SFTPB: variants seen among roughly 807,000 people sequenced by gnomAD.
SFTPB encodes the protein pulmonary surfactant-associated protein B.
Under a neutral mutation model 51.0 loss-of-function variants are expected in SFTPB, and 32 were observed. The observed-to-expected ratio is 0.63, with a 90% CI of 0.47 to 0.84. The LOEUF (loss-of-function observed/expected upper bound fraction) is 0.84, where lower values mean the gene tolerates loss of function less well. Ranked by LOEUF, SFTPB falls within the 40% of genes least tolerant of loss-of-function variation. The pLI, the probability that SFTPB is intolerant of heterozygous loss-of-function variation, is 0.00. For missense variants in SFTPB, 431 were observed against 491.2 expected, an observed-to-expected ratio of 0.88 and a Z score of 1.16; for synonymous variants, 211 against 208.5, an observed-to-expected ratio of 1.01 and a Z score of -0.10.
chr2:85,664,529 A>C (rs1473581960), intron 6 of SFTPB, among the ~76,000 whole-genome samples: 1 of 151,976 alleles, frequency 6.6e-6, no homozygotes, highest in Non-Finnish European at 1.5e-5. Context: ...CAGTGGCGTG[A>C]TGTCGGCTCA....
rs922172396 is a variant in SFTPB at position 85,657,877 on chromosome 2, T to C, written c.*1825A>G. 1 of 151,904 alleles carries C rather than the reference T, an allele frequency of 6.6e-6. No individual in the cohort carries two copies. Among genetic ancestry groups the C allele is most frequent in the African/African-American group, 2.4e-5 (1 of 41,334 alleles). The allele number at this position is 151,904 out of a possible 1,614,324, so 9.4% of individuals were successfully genotyped here. A position where few individuals can be genotyped will look rare whatever the true frequency, so the allele number is the denominator to read the frequency against. On this transcript the variant is annotated 3_prime_UTR_variant, in exon 11 of 11. Transcript: ENST00000519937. ...GGCGGAGAGAATATTACAAAATACCTTCTTAAGGGTGCGGGGGTGCGGGCG... is the reference window on the plus strand; with the variant it reads ...GGCGGAGAGAATATTACAAAATACCCTCTTAAGGGTGCGGGGGTGCGGGCG...
chr2:85,667,742 C>T lies in SFTPB; in HGVS notation c.132G>A (p.Glu44=), dbSNP rs377675937. 3.7e-6 allele frequency: 6 copies of T among 1,614,268 alleles called. No individual in the cohort carries two copies. Among genetic ancestry groups the T allele is most frequent in the Non-Finnish European group, 4.2e-6 (5 of 1,180,048 alleles). The change falls in exon 2 of 11, where the codon GAG becomes GAA. Residue 44 remains glutamate, a synonymous_variant. Transcript: ENST00000519937. ...QGPEFWCQSL[E]QALQCRALGH... ...CTAGGGCTCTGCACTGCAATGCTTG[C>T]TCCAGGCTTTGGCACCAGAACTCAG...
At chr2:85,662,344 G>A in intron 8 of SFTPB, 1 of 1,343,802 alleles carries the variant, frequency 7.4e-7, no homozygotes, top group Non-Finnish European at 9.7e-7. Flanking sequence ...AGGCAGAGGG[G>A]TGGAATCTCA....
chr2:85,663,424 CTGGGTGG>C lies in SFTPB; in HGVS notation c.917_923del (p.Thr306ArgfsTer40). On this transcript the variant is annotated frameshift_variant, in exon 8 of 11. Coordinates refer to ENST00000519937, the MANE Select transcript of SFTPB (RefSeq NM_000542.5). LOFTEE classifies it high-confidence loss of function. ...TGGCCTGCTCGCTGCTGTTCCCGGC[CTGGGTGG>C]TCACGGACATGCAGAGGTGGCACTC... is the stretch of plus-strand genomic sequence containing the variant. 2.5e-6 allele frequency: 4 copies of C among 1,614,070 alleles called. No homozygotes were observed. Among genetic ancestry groups the C allele is most frequent in the Non-Finnish European group, 3.4e-6 (4 of 1,180,046 alleles).
intron 4 of SFTPB, among the ~76,000 whole-genome samples, chr2:85,666,264 GTAC>G (rs1329812163): frequency 1.8e-3 from 247 of 136,888 alleles, no homozygotes; most frequent in Admixed American, 2.4e-3. Context: ...GCTGGCTGGG[GTAC>G]TGTGTGGGTA....
chr2:85,666,956 C>A (rs34965232), intron 3 of SFTPB, 150 bp downstream of exon 3: 1 of 934,208 alleles, frequency 1.1e-6, no homozygotes, highest in Non-Finnish European at 1.7e-6. Context: ...AGGGCCATGA[C>A]CTGCTCCCAG....
Position 85,668,140 on chromosome 2 carries a change from GGCAGCA to G in SFTPB, c.38_43del (p.Leu13_Leu14del), listed in dbSNP as rs147057701. 1 of 1,550,684 alleles carries G rather than the reference GGCAGCA, an allele frequency of 6.4e-7. No individual in the cohort carries two copies. Among genetic ancestry groups the G allele is most frequent in the Non-Finnish European group, 8.7e-7 (1 of 1,146,438 alleles). On this transcript the variant is annotated inframe_deletion, in exon 1 of 11. Coordinates refer to ENST00000519937, the MANE Select transcript of SFTPB (RefSeq NM_000542.5). ...ACCAGTGCCTGGGCCACAGAGCGTGGGCAGCAGCAGCAGCAGCCACTGCAGCAGGTG... is the reference window on the plus strand; with the variant it reads ...ACCAGTGCCTGGGCCACAGAGCGTGGGCAGCAGCAGCCACTGCAGCAGGTG...
intron 2 of SFTPB, among the ~76,000 whole-genome samples, 164 bp downstream of exon 2, chr2:85,667,515 C>G (rs1156816236): frequency 6.6e-6 from 1 of 152,168 alleles, no homozygotes; most frequent in Non-Finnish European, 1.5e-5. Context: ...CATCGTATCC[C>G]ATCGCATCCA....
rs777459025 is a variant in SFTPB at position 85,662,062 on chromosome 2, C to T, written c.1050G>A (p.Val350=). 5 of 1,603,530 alleles carry T rather than the reference C, an allele frequency of 3.1e-6. No homozygotes were observed. The Admixed American group carries it at 5.2e-5, about 17-fold the overall frequency. Residue 350 remains valine, a synonymous_variant, in exon 9 of 11, where the codon GTG becomes GTA. Transcript: ENST00000519937. ...EQHTPQLLTL[V]PRGWDAHTTC... ...TGGTGTGGGCATCCCAGCCCCTGGG[C>T]ACCAGGGTCAGCAGCTGGGGCGTGT...
chr2:85,663,683 C>T lies in SFTPB; in HGVS notation c.837G>A (p.Met279Ile). 3 of 1,612,512 alleles carry T rather than the reference C, an allele frequency of 1.9e-6. No homozygotes were observed. Among genetic ancestry groups the T allele is most frequent in the Non-Finnish European group, 2.5e-6 (3 of 1,179,492 alleles). The change falls in exon 7 of 11, where the codon ATG becomes ATA. Residue 279 changes from methionine (M) to isoleucine (I), a missense_variant. By Grantham distance (10) the Met-to-Ile change is conservative. Transcript: ENST00000519937. Reference protein sequence around the residue: ...LVCRLVLRCSMDDSAGPRSPT... With the variant: ...LVCRLVLRCSIDDSAGPRSPT... ...GCTCACTTGGGCCAGCGCTGTCATC[C>T]ATGGAGCACCGGAGGACGAGGCGGC... is the stretch of plus-strand genomic sequence containing the variant.
At chr2:85,667,007 C>T in intron 3 of SFTPB, 99 bp downstream of exon 3, 1 of 1,172,722 alleles carries the variant, frequency 8.5e-7, no homozygotes. Flanking sequence ...AGGCCTCCTC[C>T]TCAGCCTGGA....
chr2:85,662,464 C>T (rs931408505), intron 8 of SFTPB, among the ~76,000 whole-genome samples: 1 of 152,142 alleles, frequency 6.6e-6, no homozygotes, highest in African/African-American at 2.4e-5. Flanking sequence ...TTGGGAGTTG[C>T]TGAGCAGGGA....
upstream of SFTPB, chr2:85,668,354 C>A: frequency 1.5e-6 from 1 of 667,714 alleles, no homozygotes. Flanking sequence ...CCTGCCTTAC[C>A]ACCTGTCCTG....
At chr2:85,661,310 G>A in intron 10 of SFTPB, 144 bp downstream of exon 10, 2 of 614,662 alleles carry the variant, frequency 3.3e-6, no homozygotes, top group Non-Finnish European at 5.9e-6. Context: ...GCCCTCAGGA[G>A]CCTCCAGCTG....
At chr2:85,667,410 T>C (rs1320277447) in intron 2 of SFTPB, among the ~76,000 whole-genome samples, 2 of 150,262 alleles carry the variant, frequency 1.3e-5, no homozygotes, top group Admixed American at 6.6e-5. Context: ...TCCCATCCCA[T>C]CCCATCCATC....
intron 6 of SFTPB, among the ~76,000 whole-genome samples, chr2:85,664,332 C>T (rs1350568833): frequency 5.9e-5 from 9 of 152,162 alleles, no homozygotes; most frequent in Non-Finnish European, 1.3e-4. Flanking sequence ...CTTTGGAGTC[C>T]TCCCTGGTCC....
chr2:85,665,445 C>G (rs1677523896), intron 5 of SFTPB, 67 bp from the exon 6 acceptor site: 3 of 1,448,886 alleles, frequency 2.1e-6, no homozygotes, highest in African/African-American at 2.8e-5. Context: ...CTCTCCTCCC[C>G]TCTCTCTTCC....
In SFTPB at chr2:85,657,464, G is replaced by T. The variant is rs1451213334; in HGVS notation, c.*2238C>A. 1 of 152,196 alleles carries T rather than the reference G, an allele frequency of 6.6e-6. No homozygotes were observed. The highest frequency in any genetic ancestry group is 1.5e-5 in the Non-Finnish European group (1 of 68,040). 9.4% of individuals were successfully genotyped at this position (152,196 alleles called of 1,614,324 possible). On this transcript the variant is annotated 3_prime_UTR_variant, in exon 11 of 11. Coordinates refer to ENST00000519937, the MANE Select transcript of SFTPB (RefSeq NM_000542.5). ...GTCTACTTAAAATCCAGGAGCCAATGAATTGTGTGTCTCATCCCCAGGCCC... is the reference window on the plus strand; with the variant it reads ...GTCTACTTAAAATCCAGGAGCCAATTAATTGTGTGTCTCATCCCCAGGCCC...
At chr2:85,665,831 G>A (rs771364789) in intron 4 of SFTPB, 37 bp from the exon 5 acceptor site, 1 of 1,606,172 alleles carries the variant, frequency 6.2e-7, no homozygotes, top group Non-Finnish European at 8.5e-7. Context: ...TTAGGGTCTG[G>A]GAGGGAAGCC....
Sources: gnomAD v4.1 joint callset for allele counts (sites outside exome capture counted in the v4.1 genomes callset) on GRCh38, gnomAD v4.1.1 for gene constraint, MANE v1.5 for transcripts, NCBI Gene and HGNC (gene_info 2026-07-23, HGNC 2026-07-21) for gene names.